CADPS2: variants seen among roughly 807,000 people sequenced by gnomAD.
CADPS2 encodes the protein calcium-dependent secretion activator 2.
A neutral mutation model predicts 172.5 loss-of-function variants in CADPS2; 93 were observed. That is an observed-to-expected ratio of 0.54 (90% CI 0.46 to 0.64). The LOEUF (loss-of-function observed/expected upper bound fraction) is 0.64. Ranked by LOEUF, CADPS2 falls within the 30% of genes least tolerant of loss-of-function variation. The probability of loss-of-function intolerance (pLI) is 0.00; values close to 1 mark genes in which losing one functional copy is unlikely to be tolerated. For missense variants in CADPS2, 1,420 were observed against 1,565.9 expected, an observed-to-expected ratio of 0.91 and a Z score of 1.57; for synonymous variants, 546 against 555.2, an observed-to-expected ratio of 0.98 and a Z score of 0.23.
intron 1 of CADPS2, among the ~76,000 whole-genome samples, chr7:122,852,525 G>C (rs921815267): frequency 3.9e-5 from 6 of 152,160 alleles, no homozygotes; most frequent in Non-Finnish European, 8.8e-5. Context: ...CTTTAAATAG[G>C]GAGGCCAGGG....
intron 11 of CADPS2, among the ~76,000 whole-genome samples, chr7:122,483,247 A>T (rs569487110): frequency 6.6e-6 from 1 of 152,348 alleles, no homozygotes; most frequent in Non-Finnish European, 1.5e-5. Flanking sequence ...AAAATCTTTA[A>T]AGCAGCTAGA....
chr7:122,411,673 C>T (rs1413089328), intron 19 of CADPS2, among the ~76,000 whole-genome samples: 1 of 152,152 alleles, frequency 6.6e-6, no homozygotes, highest in African/African-American at 2.4e-5. Flanking sequence ...CAATTCTGTA[C>T]TTTGTTGATA....
rs1010467581 is a variant in CADPS2, at chr7:122,699,192, A to C, written c.454-35623T>G. On this transcript the variant is annotated intron_variant, in intron 2 of 29. Coordinates refer to ENST00000449022, the MANE Select transcript of CADPS2 (RefSeq NM_017954.11). ...GATGTGATTATGACATGCAAGACCC[A>C]GCAGCCAATTAGATAAGAGCTTAGA... 5 of 333,326 alleles carry C rather than the reference A, an allele frequency of 1.5e-5. No individual in the cohort carries two copies. In the South Asian group the frequency reaches 3.3e-4, roughly 22 times the overall value. 20.6% of individuals were successfully genotyped at this position (333,326 alleles called of 1,614,324 possible). A position where few individuals can be genotyped will look rare whatever the true frequency, so the allele number is the denominator to read the frequency against.
intron 2 of CADPS2, among the ~76,000 whole-genome samples, chr7:122,708,548 T>G (rs1466760281): frequency 1.4e-4 from 3 of 21,886 alleles, no homozygotes; most frequent in South Asian, 8.8e-4. Flanking sequence ...TATATATATA[T>G]ATATATATAT....
intron 17 of CADPS2, among the ~76,000 whole-genome samples, chr7:122,429,787 C>G (rs1182952493): frequency 6.6e-6 from 1 of 152,002 alleles, no homozygotes; most frequent in Non-Finnish European, 1.5e-5. Context: ...TAAGGAGCCA[C>G]ATAAAACTTT....
chr7:122,675,379 T>G (rs1215705600), intron 2 of CADPS2, among the ~76,000 whole-genome samples: 1 of 152,194 alleles, frequency 6.6e-6, no homozygotes, highest in African/African-American at 2.4e-5. Flanking sequence ...CCAGTGTGCC[T>G]CCTCTGATTT....
chr7:122,579,654 T>C (rs1362991711), intron 7 of CADPS2, among the ~76,000 whole-genome samples: 2 of 151,704 alleles, frequency 1.3e-5, no homozygotes, highest in African/African-American at 2.4e-5. Context: ...TTAAAATTAA[T>C]ATAATAATAG....
At chr7:122,526,107 C>T (rs969024140) in intron 8 of CADPS2, among the ~76,000 whole-genome samples, 3 of 152,082 alleles carry the variant, frequency 2.0e-5, no homozygotes, top group African/African-American at 7.2e-5. Context: ...GAATTCTTGA[C>T]GTGTTAGTTG....
chr7:122,773,221 T>C (rs1376317041), intron 1 of CADPS2, among the ~76,000 whole-genome samples: 2 of 152,030 alleles, frequency 1.3e-5, no homozygotes, highest in East Asian at 1.9e-4. Flanking sequence ...CACGGTGATA[T>C]GGAAACGTGG....
rs774882345 is a variant in CADPS2 at position 122,663,468 on chromosome 7, C to T, written c.555G>A (p.Val185=). 1 of 1,613,926 alleles carries T rather than the reference C, an allele frequency of 6.2e-7. No individual in the cohort carries two copies. Among genetic ancestry groups the T allele is most frequent in the Non-Finnish European group, 8.5e-7 (1 of 1,179,868 alleles). ...AGCCATCTATTTCTGGCAAACTCCG[C>T]ACACGTTTTTCTATGTTTTTCTTAA... ...EVFKKNIEKR[V]RSLPEIDGLS... The change falls in exon 3 of 30, where the codon GTG becomes GTA. Residue 185 remains valine (V), a synonymous_variant. Coordinates refer to ENST00000449022, the MANE Select transcript of CADPS2 (RefSeq NM_017954.11).
intron 1 of CADPS2, among the ~76,000 whole-genome samples, chr7:122,864,423 T>C (rs1817766555): frequency 6.6e-6 from 1 of 152,002 alleles, no homozygotes. Flanking sequence ...AAGGCTTCAG[T>C]AAGTCATGAA....
chr7:122,423,084 A>G (rs1463140712), intron 17 of CADPS2, among the ~76,000 whole-genome samples: 1 of 152,162 alleles, frequency 6.6e-6, no homozygotes, highest in East Asian at 1.9e-4. Flanking sequence ...TCTGATATCA[A>G]CATCCTCCCT....
intron 27 of CADPS2, among the ~76,000 whole-genome samples, chr7:122,353,267 C>T (rs1386125685): frequency 6.6e-6 from 1 of 152,120 alleles, no homozygotes; most frequent in African/African-American, 2.4e-5. Context: ...CTGTGCAGTA[C>T]AGAGGTGGGT....
intron 20 of CADPS2, chr7:122,395,372 T>C (rs115749457): frequency 6.6e-6 from 1 of 152,168 alleles, no homozygotes; most frequent in South Asian, 2.1e-4. Context: ...CTCAGCTATA[T>C]GCTAAAACAT....
At chr7:122,486,849 C>T (rs561982552) in intron 11 of CADPS2, among the ~76,000 whole-genome samples, 78 of 152,172 alleles carry the variant, frequency 5.1e-4, no homozygotes, top group South Asian at 1.5e-3. Flanking sequence ...GCAACCTGAT[C>T]GGTCAGCAGC....
intron 1 of CADPS2, among the ~76,000 whole-genome samples, chr7:122,878,215 G>A (rs1006526797): frequency 6.5e-5 from 9 of 138,662 alleles, no homozygotes; most frequent in Admixed American, 2.3e-4. Flanking sequence ...AGCCGAGATC[G>A]CGCCACTGCA....
chr7:122,320,317 A>G lies in CADPS2; in HGVS notation c.3739T>C (p.Leu1247=), dbSNP rs1309208860. ...AGTGTTCCTTCCAACACACCCTGCAATCGAAAGTCCCTGTAGGTTTTCTGA... is the reference window on the plus strand; with the variant it reads ...AGTGTTCCTTCCAACACACCCTGCAGTCGAAAGTCCCTGTAGGTTTTCTGA... ...IVKKTYRDFR[L]QGVLEGTLNS... is the part of the protein sequence containing the mutation. The change falls in exon 30 of 30, where the codon TTG becomes CTG. Residue 1247 remains leucine, a synonymous_variant. Transcript: ENST00000449022. The G allele has an allele frequency of 5.0e-6, 8 of 1,602,060 alleles. No homozygotes were observed. Among genetic ancestry groups the G allele is most frequent in the Non-Finnish European group, 6.8e-6 (8 of 1,174,558 alleles).
chr7:122,485,741 G>A (rs1306139310), intron 11 of CADPS2, among the ~76,000 whole-genome samples: 1 of 152,158 alleles, frequency 6.6e-6, no homozygotes, highest in Non-Finnish European at 1.5e-5. Context: ...ATCTTCTATT[G>A]GAAGAAGATG....
chr7:122,597,233 C>A (rs1254692496), intron 6 of CADPS2, among the ~76,000 whole-genome samples: 1 of 152,072 alleles, frequency 6.6e-6, no homozygotes, highest in Admixed American at 6.6e-5. Context: ...TTTTGAGTAT[C>A]TGTTTTCTTT....
Sources: gnomAD v4.1 joint callset for allele counts (sites outside exome capture counted in the v4.1 genomes callset) on GRCh38, gnomAD v4.1.1 for gene constraint, MANE v1.5 for transcripts, NCBI Gene and HGNC (gene_info 2026-07-23, HGNC 2026-07-21) for gene names.